NLK: variants seen among roughly 807,000 people sequenced by gnomAD.
NLK encodes nemo like kinase.
A neutral mutation model predicts 59.0 loss-of-function variants in NLK; 11 were observed. That is an observed-to-expected ratio of 0.19 (90% confidence interval 0.12 to 0.31). The LOEUF (loss-of-function observed/expected upper bound fraction) is 0.31, where lower values mean the gene tolerates loss of function less well. Ranked by LOEUF, NLK falls within the 10% of genes least tolerant of loss-of-function variation. The pLI is 1.00. For synonymous variants in NLK, 235 were observed against 235.9 expected (o/e 1.00, Z 0.03); for missense variants, 410 against 661.1 (o/e 0.62, Z 4.16).
At chr17:28,065,284 A>G (rs565266164) in intron 1 of NLK, among the ~76,000 whole-genome samples, 9 of 152,008 alleles carry the variant, frequency 5.9e-5, no homozygotes, top group African/African-American at 2.2e-4. Flanking sequence ...AGGCCTGATT[A>G]GGGGAGTGAT....
At chr17:28,111,280 G>A (rs574910335) in intron 1 of NLK, among the ~76,000 whole-genome samples, 5 of 151,964 alleles carry the variant, frequency 3.3e-5, no homozygotes, top group African/African-American at 1.2e-4. Context: ...TCTGCCTCCC[G>A]GGTTCAAGTG....
chr17:28,108,133 C>G (rs1258871121), intron 1 of NLK, among the ~76,000 whole-genome samples: 2 of 152,022 alleles, frequency 1.3e-5, no homozygotes, highest in Non-Finnish European at 1.5e-5. Flanking sequence ...ACTCAGGAGG[C>G]AGGAGAAACA....
At chr17:28,099,410 T>A (rs1904821146) in intron 1 of NLK, among the ~76,000 whole-genome samples, 1 of 152,152 alleles carries the variant, frequency 6.6e-6, no homozygotes, top group Non-Finnish European at 1.5e-5. Flanking sequence ...AAAAAGTTTC[T>A]TCCTGTTTCT....
At chr17:28,078,572 G>C (rs140719185) in intron 1 of NLK, among the ~76,000 whole-genome samples, 1 of 151,996 alleles carries the variant, frequency 6.6e-6, no homozygotes, top group South Asian at 2.1e-4. Flanking sequence ...ATTACTACAC[G>C]TGTTCTCATT....
At chr17:28,111,444 G>A (rs1255927737) in intron 1 of NLK, among the ~76,000 whole-genome samples, 2 of 151,938 alleles carry the variant, frequency 1.3e-5, no homozygotes, top group African/African-American at 2.4e-5. Context: ...CAAAGTGCTG[G>A]GATTACAGGC....
chr17:28,178,096 G>T (rs115413523), intron 7 of NLK, among the ~76,000 whole-genome samples: 1 of 152,288 alleles, frequency 6.6e-6, no homozygotes, highest in African/African-American at 2.4e-5. Context: ...CCTCCTAGCT[G>T]CAAAACAGGC....
chr17:28,120,319 A>G (rs111896162), intron 1 of NLK, among the ~76,000 whole-genome samples: 4,792 of 151,394 alleles, frequency 0.032, 231 homozygotes, highest in African/African-American at 0.11. Flanking sequence ...TGTTGCCTAG[A>G]CTGGTCTCAA....
intron 6 of NLK, among the ~76,000 whole-genome samples, chr17:28,170,929 G>T (rs1908436117): frequency 6.6e-6 from 1 of 152,180 alleles, no homozygotes; most frequent in Non-Finnish European, 1.5e-5. Context: ...GAGAAATGAA[G>T]ATCTAAAATA....
intron 1 of NLK, among the ~76,000 whole-genome samples, chr17:28,075,904 T>C (rs1281544051): frequency 6.6e-6 from 1 of 152,144 alleles, no homozygotes; most frequent in African/African-American, 2.4e-5. Context: ...GGGATATAGA[T>C]AAAAGCTAAA....
intron 7 of NLK, among the ~76,000 whole-genome samples, chr17:28,176,690 G>A (rs1424615303): frequency 6.6e-6 from 1 of 152,186 alleles, no homozygotes; most frequent in Non-Finnish European, 1.5e-5. Context: ...CAGGTAATCT[G>A]TGAGAACATA....
chr17:28,186,596 G>A (rs1203442219), intron 8 of NLK, among the ~76,000 whole-genome samples: 8 of 151,774 alleles, frequency 5.3e-5, no homozygotes, highest in African/African-American at 1.2e-4. Flanking sequence ...CAATCATGGC[G>A]GGAGGTGAGG....
chr17:28,136,957 A>C (rs1906777338), intron 3 of NLK, among the ~76,000 whole-genome samples: 1 of 118,938 alleles, frequency 8.4e-6, no homozygotes, highest in Non-Finnish European at 2.1e-5. Context: ...AAGCAAAAAA[A>C]AAAAAAAAAA....
At position 28,168,606 on chromosome 17, in the gene NLK, A is replaced by G; in HGVS notation, c.996A>G (p.Ala332=). The G allele has an allele frequency of 6.2e-7, 1 of 1,613,962 alleles. No individual in the cohort carries two copies. Among genetic ancestry groups the G allele is most frequent in the Non-Finnish European group, 8.5e-7 (1 of 1,179,852 alleles). ...TCTGGTCTGTGGGATGTATCTTTGC[A>G]GAACTACTAGGACGAAGAATATTGT... is the stretch of plus-strand genomic sequence containing the variant. ...IDIWSVGCIF[A]ELLGRRILFQ... Residue 332 remains alanine (A), a synonymous_variant, in exon 6 of 11, where the codon GCA becomes GCG. Transcript: ENST00000407008.
intron 3 of NLK, among the ~76,000 whole-genome samples, chr17:28,137,718 T>G (rs2142026267): frequency 6.6e-6 from 1 of 152,124 alleles, no homozygotes; most frequent in African/African-American, 2.4e-5. Context: ...TTAGTGTGGG[T>G]TTTGAAACAC....
At chr17:28,053,124 G>A (rs1597653969) in intron 1 of NLK, among the ~76,000 whole-genome samples, 2 of 152,046 alleles carry the variant, frequency 1.3e-5, no homozygotes, top group South Asian at 2.1e-4. Flanking sequence ...ACCAGTCACT[G>A]TCAATGAAGG....
Position 28,191,052 on chromosome 17 carries a change from C to T in NLK, c.1268C>T (p.Ala423Val). Residue 423 changes from alanine (A) to valine (V), a missense_variant, in exon 9 of 11, where the codon GCC (alanine) becomes GTC (valine). Physicochemically the swap from Ala to Val is moderately conservative, Grantham distance 64. Coordinates refer to ENST00000407008, the MANE Select transcript of NLK (RefSeq NM_016231.5). ...SKRISAKDAL[A>V]HPYLDEGRLR... is the part of the protein sequence containing the mutation. ...AGAATATCCGCTAAGGATGCCTTAG[C>T]CCACCCCTACCTAGATGAAGGGCGA... The T allele has an allele frequency of 1.2e-6, 2 of 1,608,094 alleles. No individual in the cohort carries two copies. Among genetic ancestry groups the T allele is most frequent in the Non-Finnish European group, 1.7e-6 (2 of 1,178,100 alleles).
chr17:28,104,946 A>C (rs1905027033), intron 1 of NLK, among the ~76,000 whole-genome samples: 1 of 152,128 alleles, frequency 6.6e-6, no homozygotes, highest in African/African-American at 2.4e-5. Flanking sequence ...ACCTTCCCCA[A>C]ACTCCCACAC....
chr17:28,160,450 T>G (rs1236724845), intron 3 of NLK, among the ~76,000 whole-genome samples: 1 of 152,186 alleles, frequency 6.6e-6, no homozygotes, highest in Non-Finnish European at 1.5e-5. Context: ...ATCTAACACG[T>G]GCTTCACAAG....
intron 1 of NLK, among the ~76,000 whole-genome samples, chr17:28,111,666 G>T (rs1905484493): frequency 6.6e-6 from 1 of 152,080 alleles, no homozygotes; most frequent in South Asian, 2.1e-4. Flanking sequence ...ATTCTTAAAT[G>T]ACACGTGCAG....
Sources: gnomAD v4.1 joint callset for allele counts (sites outside exome capture counted in the v4.1 genomes callset) on GRCh38, gnomAD v4.1.1 for gene constraint, MANE v1.5 for transcripts, NCBI Gene and HGNC (gene_info 2026-07-23, HGNC 2026-07-21) for gene names.